Variants in NRF1 observed in about 807,000 individuals in gnomAD.
NRF1 encodes the protein alpha palindromic-binding protein.
In NRF1, 5 loss-of-function variants were observed where a neutral mutation model predicts 58.5. The ratio of observed to expected loss-of-function variants is 0.09; its 90% CI spans 0.04 to 0.18. The LOEUF (loss-of-function observed/expected upper bound fraction) is 0.18, where lower values mean the gene tolerates loss of function less well. NRF1 is among the 10% of genes least tolerant of loss of function. The probability of loss-of-function intolerance (pLI) is 1.00; values close to 1 mark genes in which losing one functional copy is unlikely to be tolerated. For synonymous variants in NRF1, 224 were observed against 246.7 expected, an observed-to-expected ratio of 0.91 and a Z score of 0.86; for missense variants, 288 against 657.7, an observed-to-expected ratio of 0.44 and a Z score of 6.15.
intron 1 of NRF1, among the ~76,000 whole-genome samples, chr7:129,640,568 GATTA>G (rs372599602): frequency 5.1e-4 from 77 of 152,196 alleles, no homozygotes; most frequent in Non-Finnish European, 7.9e-4. Context: ...TTGGCTTGAA[GATTA>G]ATTAATTAAT....
intron 10 of NRF1, among the ~76,000 whole-genome samples, chr7:129,750,488 GT>G (rs1382159534): frequency 3.6e-5 from 4 of 111,444 alleles, no homozygotes; most frequent in African/African-American, 1.2e-4. Flanking sequence ...AGAGACAGAG[GT>G]CTTAAAATCC....
At chr7:129,649,118 G>A (rs1050628856) in intron 1 of NRF1, among the ~76,000 whole-genome samples, 1 of 152,050 alleles carries the variant, frequency 6.6e-6, no homozygotes, top group East Asian at 1.9e-4. Context: ...TTGAGCTGTG[G>A]AATTGTTTTT....
At chr7:129,737,895 C>T (rs115979141) in intron 10 of NRF1, among the ~76,000 whole-genome samples, 1,605 of 152,312 alleles carry the variant, frequency 0.011, 30 homozygotes, top group African/African-American at 0.037. Context: ...CTCAGTGCCT[C>T]AGGACTTGAA....
chr7:129,646,887 A>G (rs1801417255), intron 1 of NRF1, among the ~76,000 whole-genome samples: 1 of 152,204 alleles, frequency 6.6e-6, no homozygotes, highest in Non-Finnish European at 1.5e-5. Flanking sequence ...TAGGAGAGTT[A>G]CAGAAACTGT....
intron 2 of NRF1, among the ~76,000 whole-genome samples, chr7:129,666,319 A>G (rs1445745152): frequency 6.6e-6 from 1 of 151,896 alleles, no homozygotes; most frequent in African/African-American, 2.4e-5. Context: ...ATTCTCTTGC[A>G]TTTGTCTATA....
At chr7:129,744,392 T>TACC (rs2116305778) in intron 10 of NRF1, among the ~76,000 whole-genome samples, 1 of 152,228 alleles carries the variant, frequency 6.6e-6, no homozygotes, top group South Asian at 2.1e-4. Flanking sequence ...TTCCATTGAT[T>TACC]ATCTGATTTT....
chr7:129,717,200 C>T lies in NRF1; in HGVS notation c.1066-19C>T, dbSNP rs755190001. 5.7e-6 allele frequency: 9 copies of T among 1,578,462 alleles called. No homozygotes were observed. The South Asian group carries it at 9.3e-5, about 16-fold the overall frequency. Reference sequence around the variant, plus strand: ...TTTTGTGGCTTTGTTTTTTTACTATCTTGTCCTTTCTGCCTCAGGTGGAAC... The same window carrying T: ...TTTTGTGGCTTTGTTTTTTTACTATTTTGTCCTTTCTGCCTCAGGTGGAAC... On this transcript the variant is annotated intron_variant, in intron 8 of 10. Transcript: ENST00000393232.
intron 3 of NRF1, among the ~76,000 whole-genome samples, chr7:129,676,731 A>G (rs1403144107): frequency 6.6e-6 from 1 of 152,204 alleles, no homozygotes; most frequent in Non-Finnish European, 1.5e-5. Flanking sequence ...ATGCTGTTGG[A>G]AAAAAATGGC....
intron 10 of NRF1, among the ~76,000 whole-genome samples, chr7:129,739,324 T>C (rs1234970994): frequency 1.3e-5 from 2 of 152,220 alleles, no homozygotes; most frequent in African/African-American, 4.8e-5. Context: ...AACAGGCACA[T>C]GTACCTAGTA....
intron 10 of NRF1, among the ~76,000 whole-genome samples, chr7:129,732,814 C>A (rs1022022583): frequency 3.3e-5 from 5 of 152,072 alleles, no homozygotes; most frequent in African/African-American, 1.2e-4. Flanking sequence ...GTTGGTCAGG[C>A]TGGTCTCGAA....
intron 3 of NRF1, among the ~76,000 whole-genome samples, chr7:129,675,420 G>A (rs754070217): frequency 5.9e-5 from 9 of 152,128 alleles, no homozygotes; most frequent in East Asian, 1.9e-4. Context: ...TGGTGAATCC[G>A]TTCTAGAAGG....
At position 129,662,731 on chromosome 7, in the gene NRF1, C is replaced by G. The variant is rs113006841; in HGVS notation, c.223+5157C>G. On this transcript the variant is annotated intron_variant, in intron 2 of 10. Transcript: ENST00000393232. ...CTAGCAATCCTGGATCATCTTAATC[C>G]AATTTAAGGTTTATTTATTTATTTA... Among the ~76,000 whole-genome samples the G allele has an allele frequency of 6.4e-3, 974 of 152,102 alleles. 12 individuals carry two copies. Among genetic ancestry groups the G allele is most frequent in the African/African-American group, 0.023 (944 of 41,470 alleles).
At chr7:129,662,262 TTTTC>T (rs1206543811) in intron 2 of NRF1, among the ~76,000 whole-genome samples, 3 of 152,230 alleles carry the variant, frequency 2.0e-5, no homozygotes, top group South Asian at 4.2e-4. Context: ...TTTCTTTGTT[TTTTC>T]TTTATTTATT....
chr7:129,619,222 A>T (rs1178352172), intron 1 of NRF1, among the ~76,000 whole-genome samples: 1 of 151,420 alleles, frequency 6.6e-6, no homozygotes. Context: ...GATTAAGTGA[A>T]TACTGACAGG....
intron 1 of NRF1, among the ~76,000 whole-genome samples, chr7:129,612,087 G>A (rs1474635126): frequency 6.7e-6 from 1 of 150,286 alleles, no homozygotes; most frequent in East Asian, 1.9e-4. Flanking sequence ...CCTCCCGAGA[G>A]CCCCAGGGTT....
chr7:129,728,468 CAAAAAAAAAAA>C (rs60777041), intron 10 of NRF1, among the ~76,000 whole-genome samples: 3 of 96,354 alleles, frequency 3.1e-5, no homozygotes, highest in Non-Finnish European at 2.2e-5. Flanking sequence ...GACTCCGTCT[CAAAAAAAAAAA>C]AAAAAAAAAA....
At chr7:129,616,162 G>T (rs759626662) in intron 1 of NRF1, among the ~76,000 whole-genome samples, 9 of 152,136 alleles carry the variant, frequency 5.9e-5, no homozygotes, top group Non-Finnish European at 1.2e-4. Flanking sequence ...CATCCAAAAG[G>T]CTTCATCATG....
chr7:129,746,557 A>AT (rs1428928961), intron 10 of NRF1, among the ~76,000 whole-genome samples: 1 of 152,160 alleles, frequency 6.6e-6, no homozygotes, highest in Non-Finnish European at 1.5e-5. Flanking sequence ...TAAATGGAAG[A>AT]TTTTTAAAGG....
At chr7:129,625,682 T>A (rs77758314) in intron 1 of NRF1, among the ~76,000 whole-genome samples, 22 of 116,494 alleles carry the variant, frequency 1.9e-4, no homozygotes, top group African/African-American at 6.6e-4. Flanking sequence ...TTAATTTTTT[T>A]TTTTTTTTTT....
Sources: gnomAD v4.1 joint callset for allele counts (sites outside exome capture counted in the v4.1 genomes callset) on GRCh38, gnomAD v4.1.1 for gene constraint, MANE v1.5 for transcripts, NCBI Gene and HGNC (gene_info 2026-07-23, HGNC 2026-07-21) for gene names.